Variants in NAALADL2 observed in about 807,000 individuals in gnomAD.
The protein encoded by NAALADL2 is N-acetylated alpha-linked acidic dipeptidase like 2.
A neutral mutation model predicts 87.2 loss-of-function variants in NAALADL2; 76 were observed. The ratio of observed to expected loss-of-function variants is 0.87; its 90% CI spans 0.72 to 1.05. NAALADL2 has a LOEUF of 1.05. Among genes scored for constraint, NAALADL2 ranks in the 50% least tolerant of loss-of-function variants. The pLI, the probability that NAALADL2 is intolerant of heterozygous loss-of-function variation, is 0.00. For missense variants in NAALADL2, 1,089 were observed against 945.8 expected (o/e 1.15, Z -1.99); for synonymous variants, 354 against 331.0 (o/e 1.07, Z -0.75).
intron 1 of NAALADL2, among the ~76,000 whole-genome samples, chr3:174,467,648 G>A (rs1400122014): frequency 1.4e-5 from 2 of 141,824 alleles, no homozygotes; most frequent in African/African-American, 5.2e-5. Flanking sequence ...ACTAAGAATT[G>A]GTTAAATAAA....
intron 1 of NAALADL2, among the ~76,000 whole-genome samples, chr3:174,979,726 C>T (rs1341007043): frequency 1.3e-5 from 2 of 151,860 alleles, no homozygotes; most frequent in African/African-American, 2.4e-5. Flanking sequence ...AAAAATATTG[C>T]AAATTAACTG....
intron 10 of NAALADL2, among the ~76,000 whole-genome samples, chr3:175,601,005 C>G (rs1341206912): frequency 6.6e-6 from 1 of 152,108 alleles, no homozygotes; most frequent in Non-Finnish European, 1.5e-5. Context: ...CTAATTTAGT[C>G]TTTCCATCTG....
chr3:175,294,673 T>C (rs1018118476), intron 4 of NAALADL2, among the ~76,000 whole-genome samples: 3 of 152,210 alleles, frequency 2.0e-5, no homozygotes, highest in Non-Finnish European at 4.4e-5. Flanking sequence ...AAAAAATAAG[T>C]TTCACTTTTT....
In NAALADL2 at chr3:175,624,374, C is replaced by T. The variant is rs765643765; in HGVS notation, c.1801-2917C>T. 2.0e-5 allele frequency among the ~76,000 whole-genome samples: 3 copies of T among 152,088 alleles called. No homozygotes were observed. In the East Asian group the frequency reaches 5.8e-4, roughly 29 times the overall value. On this transcript the variant is annotated intron_variant, in intron 10 of 13. Coordinates refer to ENST00000454872, the MANE Select transcript of NAALADL2 (RefSeq NM_207015.3). ...AACAGCACAGATTTGGAAGCATTAA[C>T]AAATACTAATCACTTATTTTACTGC...
chr3:174,583,473 C>G (rs967916314), intron 2 of NAALADL2, among the ~76,000 whole-genome samples: 4 of 152,132 alleles, frequency 2.6e-5, no homozygotes, highest in African/African-American at 7.2e-5. Flanking sequence ...GTGACAGTGT[C>G]AAATTTGCTA....
intron 1 of NAALADL2, among the ~76,000 whole-genome samples, chr3:174,953,294 G>GCCTCCTCTCC (rs1560406607): frequency 5.4e-5 from 1 of 18,460 alleles, no homozygotes; most frequent in Non-Finnish European, 1.4e-4. Flanking sequence ...AATCTTTCTT[G>GCCTCCTCTCC]CCTCCCCTCC....
chr3:175,600,287 T>C (rs1722778041), intron 10 of NAALADL2, among the ~76,000 whole-genome samples: 1 of 151,850 alleles, frequency 6.6e-6, no homozygotes, highest in African/African-American at 2.4e-5. Flanking sequence ...TGTATGTACA[T>C]ACACATAATC....
At chr3:175,698,503 A>ATATATATATATATATATATATATATAT (rs1491393693) in intron 11 of NAALADL2, among the ~76,000 whole-genome samples, 4 of 141,340 alleles carry the variant, frequency 2.8e-5, no homozygotes, top group African/African-American at 8.2e-5. Context: ...ATATATATAT[A>ATATATATATATATATATATATATATAT]AAATCTCCAA....
At chr3:175,537,453 A>C (rs1208546296) in intron 9 of NAALADL2, among the ~76,000 whole-genome samples, 2 of 152,240 alleles carry the variant, frequency 1.3e-5, no homozygotes, top group African/African-American at 4.8e-5. Context: ...GGACAATTAG[A>C]TAATGAACTA....
At chr3:175,773,026 A>T (rs545952265) in intron 13 of NAALADL2, 9 of 152,172 alleles carry the variant, frequency 5.9e-5, no homozygotes, top group South Asian at 2.1e-4. Flanking sequence ...GGATTTAGGC[A>T]TGTATCCTGG....
chr3:174,626,415 G>A (rs959122716), intron 2 of NAALADL2, among the ~76,000 whole-genome samples: 1 of 151,808 alleles, frequency 6.6e-6, no homozygotes, highest in Non-Finnish European at 1.5e-5. Context: ...TAATTGACCA[G>A]CATTTTTTGA....
intron 9 of NAALADL2, among the ~76,000 whole-genome samples, chr3:175,552,192 T>C (rs1485568928): frequency 6.6e-6 from 1 of 152,048 alleles, no homozygotes; most frequent in Non-Finnish European, 1.5e-5. Context: ...AAAATGATAA[T>C]AAAGAAAATA....
rs892028348 is a variant in NAALADL2, at chr3:175,770,397, A to G, written c.2189+14979A>G. Reference sequence around the variant, plus strand: ...GATTCTGCTGACTTCAGCTCAAATAATATGATTGACAAGGCGAGATTACTT... The same window carrying G: ...GATTCTGCTGACTTCAGCTCAAATAGTATGATTGACAAGGCGAGATTACTT... On this transcript the variant is annotated intron_variant, in intron 13 of 13. Transcript: ENST00000454872. 3.3e-5 allele frequency among the ~76,000 whole-genome samples: 5 copies of G among 152,164 alleles called. 1 individual carries two copies.
chr3:175,059,206 A>T (rs1296896716), intron 1 of NAALADL2, among the ~76,000 whole-genome samples: 1 of 151,336 alleles, frequency 6.6e-6, no homozygotes, highest in Non-Finnish European at 1.5e-5. Context: ...CTTTTTTCCC[A>T]CAAGTTTTTC....
At position 174,771,620 on chromosome 3, in the gene NAALADL2, T is replaced by G. The variant is rs139276582; in HGVS notation, c.-9+33874T>G. On this transcript the variant is annotated intron_variant, in intron 3 of 3. Transcript: ENST00000434257. ...ATTGGAGCCTGATCCTAGGGATTTC[T>G]GTGTTTTGCTAAAATGTTTAGATTC... is the stretch of plus-strand genomic sequence containing the variant. Among the ~76,000 whole-genome samples the G allele has an allele frequency of 6.3e-3, 959 of 152,328 alleles. 9 individuals are homozygous for G. The highest frequency in any genetic ancestry group is 0.027 in the Middle Eastern group (8 of 294).
intron 2 of NAALADL2, among the ~76,000 whole-genome samples, chr3:174,583,958 G>A (rs903924992): frequency 1.3e-5 from 2 of 152,054 alleles, no homozygotes; most frequent in African/African-American, 4.8e-5. Flanking sequence ...TTTCCCATAG[G>A]AAAGCTTCAA....
At chr3:175,242,739 T>G (rs926947283) in intron 3 of NAALADL2, among the ~76,000 whole-genome samples, 7 of 152,196 alleles carry the variant, frequency 4.6e-5, no homozygotes, top group African/African-American at 1.7e-4. Context: ...TGAGTACCTT[T>G]TATACATTAA....
At chr3:175,483,326 C>CT (rs563162771) in intron 9 of NAALADL2, among the ~76,000 whole-genome samples, 16,115 of 131,442 alleles carry the variant, frequency 0.12, 1,007 homozygotes, top group African/African-American at 0.17. Flanking sequence ...TACTTTTTGG[C>CT]TTTTTTTTTT....
chr3:175,283,726 G>A (rs1471007931), intron 4 of NAALADL2, among the ~76,000 whole-genome samples: 2 of 152,010 alleles, frequency 1.3e-5, no homozygotes, highest in Non-Finnish European at 2.9e-5. Flanking sequence ...GTTCCTGTGC[G>A]GCTTGTGAGA....
Sources: allele counts gnomAD v4.1 joint callset (sites outside exome capture counted in the v4.1 genomes callset), GRCh38; gene constraint gnomAD v4.1.1; transcripts MANE v1.5; gene names NCBI Gene and HGNC (gene_info 2026-07-23, HGNC 2026-07-21).